Variants in PCDH9 observed in about 807,000 individuals in gnomAD.
PCDH9 encodes the protein protocadherin 9.
PCDH9 carries 24 observed loss-of-function variants against 70.6 expected under a neutral mutation model. The observed-to-expected ratio is 0.34, with a 90% CI of 0.25 to 0.48. PCDH9 has a LOEUF of 0.48. Ranked by LOEUF, PCDH9 falls within the 20% of genes least tolerant of loss-of-function variation. The pLI is 0.99. For missense variants in PCDH9, 1,281 were observed against 1,503.6 expected, an observed-to-expected ratio of 0.85 and a Z score of 2.45; for synonymous variants, 562 against 558.5, an observed-to-expected ratio of 1.01 and a Z score of -0.09.
At chr13:66,598,458 CT>C (rs1566446465) in intron 4 of PCDH9, among the ~76,000 whole-genome samples, 3 of 151,782 alleles carry the variant, frequency 2.0e-5, no homozygotes, top group Admixed American at 1.3e-4. Flanking sequence ...ACATGTTTAT[CT>C]TTTTTTAACT....
chr13:66,812,122 T>C (rs2080520146), intron 3 of PCDH9, among the ~76,000 whole-genome samples: 1 of 152,024 alleles, frequency 6.6e-6, no homozygotes, highest in Non-Finnish European at 1.5e-5. Context: ...TTCTCATGCC[T>C]CTAAAATTGC....
chr13:66,650,430 A>G (rs2077834639), intron 3 of PCDH9, among the ~76,000 whole-genome samples: 1 of 152,042 alleles, frequency 6.6e-6, no homozygotes, highest in African/African-American at 2.4e-5. Context: ...GTATATACCA[A>G]TTGTAAATAT....
At chr13:67,147,715 T>G (rs2087556497) in intron 2 of PCDH9, among the ~76,000 whole-genome samples, 1 of 152,214 alleles carries the variant, frequency 6.6e-6, no homozygotes, top group African/African-American at 2.4e-5. Context: ...CCAAAATTGT[T>G]TCTTTGTATT....
intron 4 of PCDH9, among the ~76,000 whole-genome samples, chr13:66,610,043 C>T (rs182474362): frequency 2.0e-3 from 304 of 150,848 alleles, no homozygotes; most frequent in African/African-American, 7.1e-3. Flanking sequence ...CTGCAAGCTC[C>T]GCCTCCCGGG....
Position 67,226,586 on chromosome 13 carries a change from C to T in PCDH9, c.1855G>A (p.Val619Met). Reference sequence around the variant, plus strand: ...ATGACTCCAGAATAGGGATCCAACACAAAATTATCATTGTCATTTAGAATG... The same window carrying T: ...ATGACTCCAGAATAGGGATCCAACATAAAATTATCATTGTCATTTAGAATG... ...LSILNDNDNF[V>M]LDPYSGVIKS... Residue 619 changes from valine (V) to methionine (M), a missense_variant, in exon 2 of 5, where the codon GTG (valine) becomes ATG (methionine). Transcript: ENST00000377865. The surrounding 1 kb of genome is among the most constrained non-coding windows in gnomAD (Gnocchi z 5.0). 6.2e-7 allele frequency: 1 copy of T among 1,614,020 alleles called. No homozygotes were observed. The highest frequency in any genetic ancestry group is 8.5e-7 in the Non-Finnish European group (1 of 1,179,898).
chr13:66,404,732 A>G (rs1449804683), intron 4 of PCDH9, among the ~76,000 whole-genome samples: 1 of 152,116 alleles, frequency 6.6e-6, no homozygotes, highest in Non-Finnish European at 1.5e-5. Context: ...GAGGGAGAGT[A>G]GAACTAAATA....
At chr13:67,020,547 C>CA (rs1202093985) in intron 2 of PCDH9, among the ~76,000 whole-genome samples, 2 of 151,150 alleles carry the variant, frequency 1.3e-5, no homozygotes, top group African/African-American at 4.9e-5. Context: ...AAACTGATTG[C>CA]AAAGGAAAAA....
At chr13:66,870,409 C>T (rs1263013699) in intron 3 of PCDH9, among the ~76,000 whole-genome samples, 1 of 152,062 alleles carries the variant, frequency 6.6e-6, no homozygotes. Flanking sequence ...AACTAAAGAG[C>T]TTCTTCACAG....
chr13:67,174,487 T>C (rs2088391676), intron 2 of PCDH9, among the ~76,000 whole-genome samples: 1 of 152,200 alleles, frequency 6.6e-6, no homozygotes, highest in Non-Finnish European at 1.5e-5. Flanking sequence ...AATTTATCTG[T>C]TCATTGAACT....
intron 4 of PCDH9, among the ~76,000 whole-genome samples, chr13:66,535,007 C>T (rs560049247): frequency 1.3e-5 from 2 of 151,932 alleles, no homozygotes; most frequent in Non-Finnish European, 2.9e-5. Context: ...TACTAAATGG[C>T]TCTGTAATAA....
chr13:67,003,914 T>C (rs996815611), intron 2 of PCDH9, among the ~76,000 whole-genome samples: 1 of 152,178 alleles, frequency 6.6e-6, no homozygotes, highest in African/African-American at 2.4e-5. Context: ...TGCTAGTCTC[T>C]AGGGAAGGCA....
chr13:66,391,126 T>C (rs1053142625), intron 4 of PCDH9, among the ~76,000 whole-genome samples: 2 of 152,192 alleles, frequency 1.3e-5, no homozygotes, highest in African/African-American at 4.8e-5. Context: ...CTGTTACTGA[T>C]TAATTCTTTT....
chr13:67,154,078 A>T (rs1396495507), intron 2 of PCDH9, among the ~76,000 whole-genome samples: 3 of 152,228 alleles, frequency 2.0e-5, no homozygotes, highest in Non-Finnish European at 4.4e-5. Flanking sequence ...GAAATTTAAA[A>T]TGGCAAAAAC....
chr13:66,887,322 G>C (rs2082023102), intron 3 of PCDH9, among the ~76,000 whole-genome samples: 1 of 151,780 alleles, frequency 6.6e-6, no homozygotes. Context: ...GTGCCACTGA[G>C]CTTAATGAAC....
At chr13:66,332,188 C>T (rs139813209) in intron 4 of PCDH9, among the ~76,000 whole-genome samples, 1 of 152,068 alleles carries the variant, frequency 6.6e-6, no homozygotes, top group Admixed American at 6.6e-5. Context: ...ACTTCTGAGG[C>T]ATTTAGAAGT....
chr13:66,948,989 C>T (rs1266581034), intron 2 of PCDH9, among the ~76,000 whole-genome samples: 1 of 151,204 alleles, frequency 6.6e-6, no homozygotes, highest in Admixed American at 6.6e-5. Flanking sequence ...AGCATACATG[C>T]TAAATCAGTG....
chr13:66,696,108 G>A (rs910564264), intron 3 of PCDH9, among the ~76,000 whole-genome samples: 4 of 151,928 alleles, frequency 2.6e-5, no homozygotes, highest in African/African-American at 9.7e-5. Flanking sequence ...ATTATGTTTG[G>A]CTACTTAAAA....
intron 4 of PCDH9, among the ~76,000 whole-genome samples, chr13:66,394,559 G>A (rs1167854423): frequency 6.6e-6 from 1 of 151,974 alleles, no homozygotes; most frequent in African/African-American, 2.4e-5. Flanking sequence ...GGGTGATATA[G>A]GCATATTTCA....
intron 3 of PCDH9, among the ~76,000 whole-genome samples, chr13:66,818,302 T>G (rs998733967): frequency 1.3e-5 from 2 of 152,224 alleles, no homozygotes; most frequent in Non-Finnish European, 2.9e-5. Flanking sequence ...ATTTTATATT[T>G]GTATTGCTGT....
Sources: gnomAD v4.1 joint callset for allele counts (sites outside exome capture counted in the v4.1 genomes callset) on GRCh38, gnomAD v4.1.1 for gene constraint, Gnocchi (gnomAD v3.1) non-coding constraint, MANE v1.5 for transcripts, NCBI Gene and HGNC (gene_info 2026-07-23, HGNC 2026-07-21) for gene names.